Variants in TJP1 observed in about 807,000 individuals in gnomAD.
TJP1 encodes tight junction protein 1.
Under a neutral mutation model 194.2 loss-of-function variants are expected in TJP1, and 43 were observed. The observed-to-expected ratio is 0.22, with a 90% CI of 0.17 to 0.29. The LOEUF is 0.29. TJP1 is among the 10% of genes least tolerant of loss of function. TJP1 has a pLI of 1.00. For missense variants in TJP1, 1,971 were observed against 2,185.7 expected (o/e 0.90, Z 1.96); for synonymous variants, 801 against 779.0 (o/e 1.03, Z -0.47).
At chr15:29,808,505 T>TA (rs45495695) in intron 1 of TJP1, among the ~76,000 whole-genome samples, 2 of 152,156 alleles carry the variant, frequency 1.3e-5, no homozygotes, top group African/African-American at 4.8e-5. Context: ...AAATTCAAAA[T>TA]AAAGTAACCT....
chr15:29,917,554 G>A (rs2054226777), intron 2 of TJP1, among the ~76,000 whole-genome samples: 1 of 152,202 alleles, frequency 6.6e-6, no homozygotes, highest in African/African-American at 2.4e-5. Flanking sequence ...AGAGGCTACA[G>A]AGGGGAAGAC....
chr15:29,941,720 G>A (rs1057378504), intron 2 of TJP1, among the ~76,000 whole-genome samples: 55 of 152,174 alleles, frequency 3.6e-4, no homozygotes, highest in Non-Finnish European at 3.4e-4. Context: ...ACTCTGCACC[G>A]CCTCCACCAT....
chr15:29,776,876 T>C (rs1480542359), intron 2 of TJP1, among the ~76,000 whole-genome samples: 11 of 152,230 alleles, frequency 7.2e-5, no homozygotes, highest in African/African-American at 2.7e-4. Context: ...TCAGTTTTCA[T>C]TGTTAGCAAC....
chr15:29,905,051 G>A (rs2053761573), intron 2 of TJP1, among the ~76,000 whole-genome samples: 1 of 152,202 alleles, frequency 6.6e-6, no homozygotes, highest in Non-Finnish European at 1.5e-5. Context: ...CCAGAACTGT[G>A]AAAGGATACA....
intron 5 of TJP1, among the ~76,000 whole-genome samples, chr15:29,763,584 A>G (rs1294932043): frequency 1.3e-5 from 2 of 151,940 alleles, no homozygotes; most frequent in Non-Finnish European, 2.9e-5. Flanking sequence ...CCTGGCTAGC[A>G]TGGTAAAACC....
intron 2 of TJP1, among the ~76,000 whole-genome samples, chr15:29,892,334 C>CTT (rs2053339180): frequency 6.6e-6 from 1 of 152,206 alleles, no homozygotes; most frequent in Non-Finnish European, 1.5e-5. Context: ...ATCTCCGTAA[C>CTT]ATAAAAGTGC....
At chr15:29,801,328 AT>A (rs1166525625) in intron 1 of TJP1, among the ~76,000 whole-genome samples, 1 of 152,100 alleles carries the variant, frequency 6.6e-6, no homozygotes, top group Non-Finnish European at 1.5e-5. Context: ...AAAAAGAACA[AT>A]CTCCCAAACT....
chr15:29,894,478 T>G (rs964519194), intron 2 of TJP1, among the ~76,000 whole-genome samples: 2 of 152,198 alleles, frequency 1.3e-5, no homozygotes, highest in African/African-American at 4.8e-5. Context: ...ATATGCAAAA[T>G]TGAAAAAAGC....
intron 1 of TJP1, among the ~76,000 whole-genome samples, chr15:29,802,217 C>T (rs928990708): frequency 5.3e-5 from 8 of 152,114 alleles, no homozygotes; most frequent in Admixed American, 6.5e-5. Context: ...ACTAGTCACC[C>T]ATTACTATAA....
At chr15:29,801,707 C>G (rs1025267465) in intron 1 of TJP1, among the ~76,000 whole-genome samples, 1 of 151,528 alleles carries the variant, frequency 6.6e-6, no homozygotes, top group Non-Finnish European at 1.5e-5. Context: ...CTGATCCGCC[C>G]GCCTCGGCCT....
chr15:29,958,559 T>C (rs2056034095), intron 1 of TJP1, among the ~76,000 whole-genome samples: 1 of 152,242 alleles, frequency 6.6e-6, no homozygotes, highest in Non-Finnish European at 1.5e-5. Flanking sequence ...CATTCAGTAG[T>C]TTGAAAGTTA....
chr15:29,888,812 C>A (rs1445900520), intron 2 of TJP1, among the ~76,000 whole-genome samples: 2 of 152,194 alleles, frequency 1.3e-5, no homozygotes, highest in Admixed American at 1.3e-4. Context: ...CAGTGTGTAG[C>A]CGCACACACT....
rs1436861940 is a variant in TJP1 at position 29,853,575 on chromosome 15, A to C, written c.307-52873T>G. Among the ~76,000 whole-genome samples, 3 of 152,302 alleles carry C rather than the reference A, an allele frequency of 2.0e-5. No homozygotes were observed. In the East Asian group the frequency reaches 5.8e-4, roughly 29 times the overall value. On this transcript the variant is annotated intron_variant, in intron 2 of 28. Transcript: ENST00000356107. ...CTATAAATAAAAAATATTAAAGATGATGTGAACAGAGATACACACTTTTAG... is the reference window on the plus strand; with the variant it reads ...CTATAAATAAAAAATATTAAAGATGCTGTGAACAGAGATACACACTTTTAG...
chr15:29,714,107 C>A (rs2042402965), intron 23 of TJP1, among the ~76,000 whole-genome samples: 1 of 152,188 alleles, frequency 6.6e-6, no homozygotes, highest in Non-Finnish European at 1.5e-5. Flanking sequence ...GCATGCAAGG[C>A]AATGTTCTAC....
At chr15:29,938,604 G>T (rs1316719970) in intron 2 of TJP1, among the ~76,000 whole-genome samples, 1 of 152,188 alleles carries the variant, frequency 6.6e-6, no homozygotes, top group South Asian at 2.1e-4. Flanking sequence ...AGTTATCACA[G>T]TTCTTGGTAT....
chr15:29,933,756 A>C (rs1334598453), intron 2 of TJP1, among the ~76,000 whole-genome samples: 1 of 152,190 alleles, frequency 6.6e-6, no homozygotes, highest in Non-Finnish European at 1.5e-5. Flanking sequence ...GAAAGACTAA[A>C]GATGCTGGGA....
chr15:29,714,635 G>T (rs1427462523), intron 23 of TJP1, among the ~76,000 whole-genome samples: 1 of 148,976 alleles, frequency 6.7e-6, no homozygotes, highest in East Asian at 2.0e-4. Context: ...CTGTCTCCCG[G>T]GTTCACGCCA....
chr15:29,733,813 T>C (rs2043832942), intron 12 of TJP1, among the ~76,000 whole-genome samples: 1 of 152,184 alleles, frequency 6.6e-6, no homozygotes, highest in South Asian at 2.1e-4. Context: ...AAAACCACAT[T>C]ATTTGGTCCA....
At chr15:29,773,854 C>A (rs150496129) in intron 2 of TJP1, among the ~76,000 whole-genome samples, 165 of 152,274 alleles carry the variant, frequency 1.1e-3, no homozygotes, top group African/African-American at 3.6e-3. Flanking sequence ...GAATATAATG[C>A]CTTGTGCACA....
Sources: allele counts gnomAD v4.1 joint callset (sites outside exome capture counted in the v4.1 genomes callset), GRCh38; gene constraint gnomAD v4.1.1; transcripts MANE v1.5; gene names NCBI Gene and HGNC (gene_info 2026-07-23, HGNC 2026-07-21).